The following KRT8 variants were observed in gnomAD, a reference collection of about 807,000 sequenced individuals.
The protein encoded by KRT8 is keratin, type II cytoskeletal 8.
Under a neutral mutation model 43.0 loss-of-function variants are expected in KRT8, and 24 were observed. The observed-to-expected ratio is 0.56, with a 90% confidence interval of 0.40 to 0.78. The LOEUF is 0.78. Ranked by LOEUF, KRT8 falls within the 30% of genes least tolerant of loss-of-function variation. KRT8 has a pLI of 0.00. For synonymous variants in KRT8, 214 were observed against 261.2 expected (o/e 0.82, Z 1.74); for missense variants, 492 against 638.4 (o/e 0.77, Z 2.47).
intron 5 of KRT8, among the ~76,000 whole-genome samples, chr12:52,899,183 C>G (rs1259236497): frequency 2.0e-5 from 3 of 152,156 alleles, no homozygotes; most frequent in Non-Finnish European, 4.4e-5. Flanking sequence ...AGCCTGGTGG[C>G]GGGCGCCTGT....
In KRT8 at chr12:52,897,474, C is replaced by T. The variant is rs755023565; in HGVS notation, c.1406G>A (p.Arg469His). The T allele has an allele frequency of 5.6e-6, 9 of 1,599,300 alleles. No homozygotes were observed. In the East Asian group the frequency reaches 8.9e-5, roughly 16 times the overall value. ...GGACTCAGACACCAGCTTCCCATCA[C>T]GTGTCTCGATCTTCTTCACAACCAC... Residue 469 changes from arginine (R) to histidine (H), a missense_variant, in exon 8 of 8, where the codon CGT becomes CAT. Arg to His is a conservative substitution (Grantham distance 29). This residue lies in a region of KRT8 where 389 missense variants were observed against 485.7 expected (regional missense o/e 0.80). Transcript: ENST00000692008.
At chr12:52,934,091 T>C (rs958030711) in intron 2 of KRT8, among the ~76,000 whole-genome samples, 1 of 150,022 alleles carries the variant, frequency 6.7e-6, no homozygotes, top group African/African-American at 2.5e-5. Flanking sequence ...TAGCCGGGCA[T>C]GGTGGCATGT....
intron 2 of KRT8, among the ~76,000 whole-genome samples, chr12:52,943,111 C>G (rs562100679): frequency 1.3e-5 from 2 of 152,302 alleles, no homozygotes; most frequent in South Asian, 2.1e-4. Flanking sequence ...TGTTTAATTA[C>G]TGATCAGCTT....
chr12:52,905,152 G>A (rs1457702718), upstream of KRT8: 11 of 1,301,750 alleles, frequency 8.5e-6, no homozygotes, highest in Non-Finnish European at 1.1e-5. Context: ...AGGCCCAGAG[G>A]GGGCTGGGCC....
At chr12:52,941,432 C>T (rs12302939) in intron 2 of KRT8, among the ~76,000 whole-genome samples, 1 of 148,274 alleles carries the variant, frequency 6.7e-6, no homozygotes, top group Middle Eastern at 3.5e-3. Flanking sequence ...GTTCTATCTG[C>T]GAAATCTTAC....
chr12:52,938,834 G>A (rs1344516877), intron 2 of KRT8, among the ~76,000 whole-genome samples: 1 of 152,030 alleles, frequency 6.6e-6, no homozygotes, highest in Non-Finnish European at 1.5e-5. Flanking sequence ...AACCAGGATT[G>A]TCTTGATCTC....
intron 2 of KRT8, among the ~76,000 whole-genome samples, chr12:52,913,053 C>A (rs2120620132): frequency 6.6e-6 from 1 of 152,304 alleles, no homozygotes; most frequent in Non-Finnish European, 1.5e-5. Flanking sequence ...TGGGTTGAGG[C>A]TTGGGATCAA....
intron 2 of KRT8, among the ~76,000 whole-genome samples, chr12:52,938,186 A>T (rs12812787): frequency 0.78 from 46,900 of 59,992 alleles, 17,896 homozygotes; most frequent in South Asian, 0.84. Flanking sequence ...TTTTTTTTTT[A>T]TATATAAGGT....
At chr12:52,909,682 GT>G (rs1941593303), upstream of KRT8, among the ~76,000 whole-genome samples, 1 of 152,210 alleles carries the variant, frequency 6.6e-6, no homozygotes, top group African/African-American at 2.4e-5. Context: ...GTGGGAGGGG[GT>G]TCTCACATCT....
At chr12:52,907,316 C>T (rs118080839), upstream of KRT8, among the ~76,000 whole-genome samples, 2,252 of 152,280 alleles carry the variant, frequency 0.015, 24 homozygotes, top group Non-Finnish European at 0.021. Context: ...AGTGCCAAAC[C>T]TGGGACAGGG....
At chr12:52,899,022 A>C in intron 5 of KRT8, 123 bp from the exon 6 acceptor site, 1 of 860,586 alleles carries the variant, frequency 1.2e-6, no homozygotes, top group Non-Finnish European at 1.9e-6. Flanking sequence ...CTCAAATTAA[A>C]TGAGACTAAG....
At chr12:52,898,487 T>A (rs1360444725) in exon 7 of KRT8, 1 of 1,613,994 alleles carries the variant, frequency 6.2e-7, no homozygotes, top group Non-Finnish European at 8.5e-7. Flanking sequence ...GGTCTTCGTA[T>A]GAATACTCAT....
chr12:52,919,320 G>A (rs1212237935), intron 2 of KRT8, among the ~76,000 whole-genome samples: 3 of 152,076 alleles, frequency 2.0e-5, no homozygotes, highest in Admixed American at 6.5e-5. Flanking sequence ...TGGAGTGCAT[G>A]TAGTGGCACT....
chr12:52,901,602 G>A (rs1485131375), intron 2 of KRT8: 4 of 582,746 alleles, frequency 6.9e-6, no homozygotes, highest in Admixed American at 3.0e-5. Flanking sequence ...CCCGTCTCAG[G>A]TTTACCATGT....
Position 52,920,606 on chromosome 12 carries a change from T to A in KRT8, c.-46-15579A>T, listed in dbSNP as rs958556112. On this transcript the variant is annotated intron_variant, in intron 2 of 6. Coordinates refer to the KRT8 transcript ENST00000546826. ...GAGCGAAACTCCATCTGAAAAAAAA[T>A]TAAAAATGGACAGCCCCATGAGGGC... Among the ~76,000 whole-genome samples the A allele has an allele frequency of 3.3e-5, 5 of 151,154 alleles. No homozygotes were observed. In the South Asian group the frequency reaches 1.0e-3, roughly 32 times the overall value.
chr12:52,940,457 TAAAAAGCTACACA>T (rs892963522), intron 2 of KRT8, among the ~76,000 whole-genome samples: 10 of 142,492 alleles, frequency 7.0e-5, no homozygotes, highest in African/African-American at 1.0e-4. Flanking sequence ...AAAAGAAAAG[TAAAAAGCTACACA>T]AAAAAGCTAC....
At chr12:52,897,787 CAGG>C (rs577113628) in intron 7 of KRT8, among the ~76,000 whole-genome samples, 169 bp from the exon 8 acceptor site, 85 of 152,330 alleles carry the variant, frequency 5.6e-4, no homozygotes, top group African/African-American at 1.8e-3. Context: ...CAGGGAAAAC[CAGG>C]AGCAGGGTGG....
At position 52,927,669 on chromosome 12, in the gene KRT8, G is replaced by C. The variant is rs377623185; in HGVS notation, c.-47+21787C>G. On this transcript the variant is annotated intron_variant, in intron 2 of 6. Coordinates refer to the KRT8 transcript ENST00000546826. ...TGGGCAGAGCCGAGCCTGAAATCTGGGGATGGGCAGTCCTGAGGGGGAAGC... is the reference window on the plus strand; with the variant it reads ...TGGGCAGAGCCGAGCCTGAAATCTGCGGATGGGCAGTCCTGAGGGGGAAGC... 1.5e-4 allele frequency among the ~76,000 whole-genome samples: 23 copies of C among 152,316 alleles called. No homozygotes were observed. In the East Asian group the frequency reaches 2.7e-3, roughly 18 times the overall value.
chr12:52,921,705 G>T (rs566932864), intron 2 of KRT8, among the ~76,000 whole-genome samples: 3 of 152,136 alleles, frequency 2.0e-5, no homozygotes, highest in East Asian at 1.9e-4. Context: ...GCCTCTGATT[G>T]TGCATCCCCA....
Sources: gnomAD v4.1 joint callset for allele counts (sites outside exome capture counted in the v4.1 genomes callset) on GRCh38, gnomAD v4.1.1 for gene constraint, gnomAD v4.1.1 regional missense constraint, MANE v1.5 for transcripts, NCBI Gene and HGNC (gene_info 2026-07-23, HGNC 2026-07-21) for gene names.